Variants in TRIM49C observed in about 807,000 individuals in gnomAD.
The protein encoded by TRIM49C is tripartite motif-containing protein 49C.
In TRIM49C, 6 loss-of-function variants were observed where a neutral mutation model predicts 21.4. The ratio of observed to expected loss-of-function variants is 0.28; its 90% CI spans 0.15 to 0.55. The LOEUF (loss-of-function observed/expected upper bound fraction) is 0.55, where lower values mean the gene tolerates loss of function less well. TRIM49C is among the 20% of genes least tolerant of loss of function. The pLI, the probability that TRIM49C is intolerant of heterozygous loss-of-function variation, is 0.94. For synonymous variants in TRIM49C, 57 were observed against 148.1 expected (o/e 0.38, Z 4.47); for missense variants, 161 against 442.4 (o/e 0.36, Z 5.71).
the TRIM49C span, chr11:90,071,833 T>A: frequency 1.8e-5 from 14 of 788,136 alleles, 1 homozygote; most frequent in Non-Finnish European, 2.6e-5. Flanking sequence ...ATGCAATGCC[T>A]TCAGTTATGG....
At chr11:90,053,892 C>T in the TRIM49C span, among the ~76,000 whole-genome samples, 5 of 143,742 alleles carry the variant, frequency 3.5e-5, no homozygotes, top group East Asian at 4.3e-4. Context: ...TTTGTTTTTA[C>T]TTTAATTTTC....
the TRIM49C span, among the ~76,000 whole-genome samples, chr11:90,066,190 T>G: frequency 3.8e-5 from 5 of 132,782 alleles, 2 homozygotes; most frequent in Non-Finnish European, 8.0e-5. Context: ...CCAGCTAAGT[T>G]TGTATTTTTA....
At chr11:90,038,085 CA>C in intron 5 of TRIM49C, 106 bp downstream of exon 5, 2 of 413,652 alleles carry the variant, frequency 4.8e-6, no homozygotes, top group Non-Finnish European at 8.3e-6. Context: ...GATGTGTTTC[CA>C]AAAACACATT....
At chr11:90,049,051 G>A in the TRIM49C span, among the ~76,000 whole-genome samples, 2 of 126,778 alleles carry the variant, frequency 1.6e-5, no homozygotes, top group East Asian at 5.0e-4. Flanking sequence ...TGTTTGCCTG[G>A]GTATCAGCAG....
the TRIM49C span, among the ~76,000 whole-genome samples, chr11:90,048,882 C>A: frequency 8.0e-6 from 1 of 124,292 alleles, no homozygotes; most frequent in Non-Finnish European, 1.6e-5. Flanking sequence ...CTGTTTTTTC[C>A]CCATCTTTGT....
the TRIM49C span, among the ~76,000 whole-genome samples, chr11:90,055,060 C>G: frequency 6.8e-6 from 1 of 147,434 alleles, no homozygotes; most frequent in Non-Finnish European, 1.5e-5. Context: ...GGTTGGAGCC[C>G]TAAGGTGAAT....
chr11:90,052,683 T>C, the TRIM49C span: 1 of 148,374 alleles, frequency 6.7e-6, no homozygotes, highest in African/African-American at 2.5e-5. Context: ...GGGACCCTCG[T>C]GTGGACACCC....
At position 90,041,439 on chromosome 11, in the gene TRIM49C, G is replaced by C. The variant is rs767967443; in HGVS notation, c.1248G>C (p.Glu416Asp). ...GAGTAGGATTATTCCTGGATTGTGA[G>C]GCTAAGACTGTGAGCTTTGTTGATG... is the stretch of plus-strand genomic sequence containing the variant. ...TSRVGLFLDCEAKTVSFVDVN... is the reference protein window; with the variant it reads ...TSRVGLFLDCDAKTVSFVDVN... Residue 416 changes from glutamate to aspartate, a missense_variant, in exon 8 of 8, where the codon GAG becomes GAC. By Grantham distance (45) the Glu-to-Asp change is conservative. This residue lies in a region of TRIM49C where 18 missense variants were observed against 60.0 expected (regional missense o/e 0.30). Coordinates refer to ENST00000448984, the MANE Select transcript of TRIM49C (RefSeq NM_001195234.1). 5 of 1,569,836 alleles carry C rather than the reference G, an allele frequency of 3.2e-6. No homozygotes were observed. The African/African-American group carries it at 5.8e-5, about 18-fold the overall frequency.
the TRIM49C span, among the ~76,000 whole-genome samples, chr11:90,069,435 T>C: frequency 7.6e-6 from 1 of 131,722 alleles, no homozygotes; most frequent in African/African-American, 2.9e-5. Context: ...TTTTTAATAC[T>C]ATGGTCAGAA....
chr11:90,039,052 C>T (rs1200288494), intron 6 of TRIM49C, among the ~76,000 whole-genome samples: 4 of 135,360 alleles, frequency 3.0e-5, no homozygotes, highest in African/African-American at 5.4e-5. Flanking sequence ...CCCGAGTACC[C>T]GGGACTACAG....
downstream of TRIM49C, among the ~76,000 whole-genome samples, chr11:90,043,504 T>C (rs1950783053): frequency 1.6e-5 from 2 of 121,792 alleles, 1 homozygote; most frequent in East Asian, 5.0e-4. Context: ...ATTTTAAATA[T>C]TGATTTATTT....
At chr11:90,037,105 G>A (rs1281371240) in intron 4 of TRIM49C, among the ~76,000 whole-genome samples, 1 of 133,532 alleles carries the variant, frequency 7.5e-6, no homozygotes, top group Non-Finnish European at 1.6e-5. Context: ...GTATGTGTGT[G>A]TGTTTGTATA....
chr11:90,060,198 A>T, the TRIM49C span, among the ~76,000 whole-genome samples: 1 of 139,770 alleles, frequency 7.2e-6, no homozygotes, highest in Non-Finnish European at 1.5e-5. Flanking sequence ...CCCTTCATTC[A>T]CAAGAGAACA....
At chr11:90,052,938 G>A in the TRIM49C span, 1 of 141,374 alleles carries the variant, frequency 7.1e-6, no homozygotes, top group Non-Finnish European at 1.6e-5. Flanking sequence ...GTGTCCGTCT[G>A]ACGACATCTC....
At chr11:90,060,604 CAG>C in the TRIM49C span, among the ~76,000 whole-genome samples, 1 of 137,194 alleles carries the variant, frequency 7.3e-6, no homozygotes, top group Admixed American at 7.5e-5. Flanking sequence ...ATATGAGAAA[CAG>C]AGTACATGGA....
the TRIM49C span, among the ~76,000 whole-genome samples, chr11:90,069,534 C>G: frequency 7.6e-6 from 1 of 132,212 alleles, no homozygotes; most frequent in Admixed American, 8.8e-5. Context: ...CAGCTTTTTC[C>G]TAGCTTTTTA....
At chr11:90,048,780 T>C in the TRIM49C span, among the ~76,000 whole-genome samples, 3 of 125,812 alleles carry the variant, frequency 2.4e-5, 1 homozygote, top group African/African-American at 9.6e-5. Flanking sequence ...AAAATCATTC[T>C]CCATCCAGCT....
chr11:90,056,242 G>A, the TRIM49C span, among the ~76,000 whole-genome samples: 2 of 137,402 alleles, frequency 1.5e-5, 1 homozygote, highest in Admixed American at 1.6e-4. Context: ...TTACAGGCGT[G>A]AGCCACCGCG....
Position 90,038,676 on chromosome 11 carries a change from C to CT in TRIM49C, c.739-4dup, listed in dbSNP as rs374297173. 81,562 of 769,638 alleles carry CT rather than the reference C, an allele frequency of 0.11. 6 individuals carry two copies. Among genetic ancestry groups the CT allele is most frequent in the East Asian group, 0.11 (2,593 of 22,732 alleles). 47.7% of individuals were successfully genotyped at this position (769,638 alleles called of 1,614,324 possible). On this transcript the variant is annotated splice_polypyrimidine_tract_variant and intron_variant, in intron 5 of 7. Transcript: ENST00000448984. The stretch of plus-strand genomic sequence containing the variant: ...TTGTGAAATGCACTAAATCTTTCTT[C>CT]TTTTTTTTTTTTTCAGGCTTTTGGA...
Sources: allele counts gnomAD v4.1 joint callset (sites outside exome capture counted in the v4.1 genomes callset), GRCh38; gene constraint gnomAD v4.1.1; regional missense constraint gnomAD v4.1.1; transcripts MANE v1.5; gene names NCBI Gene and HGNC (gene_info 2026-07-23, HGNC 2026-07-21).